RIC8B: variants seen among roughly 807,000 people sequenced by gnomAD.
RIC8B encodes chaperone Ric-8B.
A neutral mutation model predicts 57.5 loss-of-function variants in RIC8B; 16 were observed. The observed-to-expected ratio is 0.28, with a 90% CI of 0.19 to 0.42. The LOEUF is 0.42. RIC8B is among the 10% of genes least tolerant of loss of function. RIC8B has a pLI of 1.00. For synonymous variants in RIC8B, 216 were observed against 250.8 expected, an observed-to-expected ratio of 0.86 and a Z score of 1.31; for missense variants, 481 against 677.0, an observed-to-expected ratio of 0.71 and a Z score of 3.21.
chr12:106,849,506 A>G (rs1023656609), intron 6 of RIC8B, among the ~76,000 whole-genome samples: 5 of 151,744 alleles, frequency 3.3e-5, no homozygotes, highest in Non-Finnish European at 2.9e-5. Flanking sequence ...TATGGTACAC[A>G]TACAAATTTA....
chr12:106,843,837 T>C lies in RIC8B; in HGVS notation c.1066-15T>C, dbSNP rs889161835. ...ACTAACGTATTTCAAAAACATATGG[T>C]TTTTTTTTTTATAGGGAAGCAGCTA... On this transcript the variant is annotated splice_polypyrimidine_tract_variant and intron_variant, in intron 5 of 9. Transcript: ENST00000392837. The C allele has an allele frequency of 9.8e-6, 10 of 1,023,294 alleles. No homozygotes were observed. In the African/African-American group the frequency reaches 1.4e-4, roughly 14 times the overall value. 63.4% of individuals were successfully genotyped at this position (1,023,294 alleles called of 1,614,324 possible). A position where few individuals can be genotyped will look rare whatever the true frequency, so the allele number is the denominator to read the frequency against.
chr12:106,779,816 T>C (rs575504781), intron 1 of RIC8B, among the ~76,000 whole-genome samples: 1 of 151,698 alleles, frequency 6.6e-6, no homozygotes, highest in African/African-American at 2.4e-5. Context: ...GGGAATTATG[T>C]ATCATTCCAG....
chr12:106,776,312 T>C (rs1004626501), intron 1 of RIC8B, among the ~76,000 whole-genome samples: 11 of 152,352 alleles, frequency 7.2e-5, no homozygotes, highest in Admixed American at 5.9e-4. Flanking sequence ...CAATGCATAG[T>C]TGTACATATT....
At chr12:106,876,264 G>C (rs1470925312) in intron 9 of RIC8B, among the ~76,000 whole-genome samples, 1 of 151,744 alleles carries the variant, frequency 6.6e-6, no homozygotes, top group Non-Finnish European at 1.5e-5. Flanking sequence ...TCAGAGACTT[G>C]GCACAAAAAA....
intron 4 of RIC8B, among the ~76,000 whole-genome samples, chr12:106,839,133 T>G (rs577757960): frequency 7.0e-4 from 106 of 152,004 alleles, no homozygotes; most frequent in Non-Finnish European, 9.4e-4. Context: ...AGATGAAAAA[T>G]AGAATTATTT....
At chr12:106,804,281 C>G (rs1217285834) in intron 2 of RIC8B, among the ~76,000 whole-genome samples, 3 of 149,584 alleles carry the variant, frequency 2.0e-5, no homozygotes, top group Non-Finnish European at 4.4e-5. Context: ...ATGGCGTGAT[C>G]TCTGCTCACT....
At chr12:106,876,841 C>T (rs911775578) in intron 9 of RIC8B, among the ~76,000 whole-genome samples, 6 of 152,078 alleles carry the variant, frequency 3.9e-5, no homozygotes, top group African/African-American at 7.2e-5. Flanking sequence ...TTGGGAAGAG[C>T]GTTAAGAACT....
chr12:106,874,823 AT>A (rs113492589), intron 9 of RIC8B, among the ~76,000 whole-genome samples: 342 of 145,952 alleles, frequency 2.3e-3, no homozygotes, highest in Middle Eastern at 7.0e-3. Context: ...ATTCCAAGTG[AT>A]TTTTTTTTTT....
At chr12:106,802,448 A>C (rs2044775487) in intron 2 of RIC8B, among the ~76,000 whole-genome samples, 1 of 151,434 alleles carries the variant, frequency 6.6e-6, no homozygotes, top group South Asian at 2.1e-4. Context: ...GGGAAGGAGG[A>C]GTCTATTCTA....
chr12:106,811,437 G>A (rs1430101514), intron 2 of RIC8B, among the ~76,000 whole-genome samples: 3 of 152,208 alleles, frequency 2.0e-5, no homozygotes, highest in Non-Finnish European at 4.4e-5. Context: ...AAACTCTAGG[G>A]ATGAGGTGCA....
At chr12:106,835,762 G>T (rs1235706530) in intron 4 of RIC8B, among the ~76,000 whole-genome samples, 1 of 152,224 alleles carries the variant, frequency 6.6e-6, no homozygotes, top group Non-Finnish European at 1.5e-5. Flanking sequence ...TTCTAGGCAG[G>T]AGAAAACATG....
intron 3 of RIC8B, among the ~76,000 whole-genome samples, chr12:106,824,419 A>C (rs2045998064): frequency 6.6e-6 from 1 of 152,100 alleles, no homozygotes; most frequent in Non-Finnish European, 1.5e-5. Flanking sequence ...ATACATGATG[A>C]TGTTATATTT....
intron 9 of RIC8B, among the ~76,000 whole-genome samples, chr12:106,885,395 T>C (rs562988311): frequency 2.0e-5 from 3 of 152,218 alleles, no homozygotes; most frequent in African/African-American, 7.2e-5. Flanking sequence ...GGCCAACTAA[T>C]TTGAAATGAA....
rs1951177937 is a variant in RIC8B at position 106,886,187 on chromosome 12, T to A, written c.*172T>A. ...AGAGGTGACCCTGTGTTTTTTGTGA[T>A]ATTGAGGCATTCATACAGAGCTGCA... On this transcript the variant is annotated 3_prime_UTR_variant, in exon 10 of 10. Transcript: ENST00000392837. 1.7e-6 allele frequency: 1 copy of A among 586,622 alleles called. No individual in the cohort carries two copies. Among genetic ancestry groups the A allele is most frequent in the Non-Finnish European group, 3.0e-6 (1 of 332,706 alleles). 36.3% of individuals were successfully genotyped at this position (586,622 alleles called of 1,614,324 possible). A position where few individuals can be genotyped will look rare whatever the true frequency, so the allele number is the denominator to read the frequency against.
Position 106,851,607 on chromosome 12 carries a change from C to G in RIC8B, c.1306+13C>G, listed in dbSNP as rs750761161. Reference sequence around the variant, plus strand: ...TGCAAAGAGAGAGGTAGGTTAAACTCTCTTTGCCTCTGCCTTTTATCTTTC... The same window carrying G: ...TGCAAAGAGAGAGGTAGGTTAAACTGTCTTTGCCTCTGCCTTTTATCTTTC... On this transcript the variant is annotated intron_variant, in intron 7 of 9. Coordinates refer to ENST00000392837, the MANE Select transcript of RIC8B (RefSeq NM_001330145.2). 1.9e-6 allele frequency: 3 copies of G among 1,609,278 alleles called. No individual in the cohort carries two copies. In the South Asian group the frequency reaches 3.3e-5, roughly 18 times the overall value.
At chr12:106,862,783 G>C (rs1243588433) in intron 8 of RIC8B, among the ~76,000 whole-genome samples, 1 of 152,122 alleles carries the variant, frequency 6.6e-6, no homozygotes, top group Non-Finnish European at 1.5e-5. Context: ...ACTGGAATCT[G>C]AAACCAAGAA....
At chr12:106,803,215 C>CAAAAAAAAAAAAAAAA (rs55853235) in intron 2 of RIC8B, among the ~76,000 whole-genome samples, 15 of 84,006 alleles carry the variant, frequency 1.8e-4, no homozygotes, top group African/African-American at 5.4e-4. Flanking sequence ...TACCCTGTCT[C>CAAAAAAAAAAAAAAAA]AAAAAAAAAA....
At chr12:106,787,254 G>T (rs2044072305) in intron 2 of RIC8B, among the ~76,000 whole-genome samples, 1 of 152,134 alleles carries the variant, frequency 6.6e-6, no homozygotes, top group Non-Finnish European at 1.5e-5. Flanking sequence ...TCATTAATGG[G>T]AAAACATCAA....
chr12:106,794,153 G>A (rs1566044871), intron 2 of RIC8B, among the ~76,000 whole-genome samples: 1 of 152,092 alleles, frequency 6.6e-6, no homozygotes, highest in African/African-American at 2.4e-5. Flanking sequence ...GTTGAATAAA[G>A]TACAATAACT....
Sources: gnomAD v4.1 joint callset for allele counts (sites outside exome capture counted in the v4.1 genomes callset) on GRCh38, gnomAD v4.1.1 for gene constraint, MANE v1.5 for transcripts, NCBI Gene and HGNC (gene_info 2026-07-23, HGNC 2026-07-21) for gene names.